NCOA2: variants seen among roughly 807,000 people sequenced by gnomAD.
The protein encoded by NCOA2 is class E basic helix-loop-helix protein 75.
Under a neutral mutation model 145.1 loss-of-function variants are expected in NCOA2, and 21 were observed. That is an observed-to-expected ratio of 0.14 (90% CI 0.10 to 0.21). The LOEUF (loss-of-function observed/expected upper bound fraction) is 0.21. Among genes scored for constraint, NCOA2 ranks in the 10% least tolerant of loss-of-function variants. The pLI, the probability that NCOA2 is intolerant of heterozygous loss-of-function variation, is 1.00. For synonymous variants in NCOA2, 619 were observed against 637.5 expected (o/e 0.97, Z 0.44); for missense variants, 1,472 against 1,837.6 (o/e 0.80, Z 3.64).
intron 1 of NCOA2, among the ~76,000 whole-genome samples, chr8:70,297,287 C>T (rs1827163715): frequency 6.6e-6 from 1 of 152,168 alleles, no homozygotes; most frequent in Non-Finnish European, 1.5e-5. Context: ...CTATATGGAA[C>T]CAAAAGGCCT....
intron 2 of NCOA2, among the ~76,000 whole-genome samples, chr8:70,253,965 A>G (rs992209511): frequency 2.0e-5 from 3 of 152,366 alleles, no homozygotes; most frequent in Admixed American, 6.5e-5. Context: ...CAACCCATGG[A>G]CAGGCAAAAA....
chr8:70,124,092 A>G lies in NCOA2; in HGVS notation c.4095-10T>C, dbSNP rs373733811. 6 of 1,610,602 alleles carry G rather than the reference A, an allele frequency of 3.7e-6. No homozygotes were observed. The African/African-American group carries it at 8.0e-5, about 22-fold the overall frequency. ...CTGCTGGGAAAACATGCTGGAATAC[A>G]ATGGAAAGATTGAATGAATGTTACA... On this transcript the variant is annotated splice_polypyrimidine_tract_variant and intron_variant, in intron 20 of 22. Transcript: ENST00000452400.
intron 1 of NCOA2, among the ~76,000 whole-genome samples, chr8:70,387,439 T>C (rs1479648946): frequency 6.6e-6 from 1 of 152,262 alleles, no homozygotes; most frequent in Non-Finnish European, 1.5e-5. Flanking sequence ...TATCTCATAT[T>C]GAATCACTTC....
chr8:70,322,601 A>G lies in NCOA2; in HGVS notation c.-76-25801T>C, dbSNP rs192520303. ...CCTAAGTTTTAGAACTCAACAAACC[A>G]TATCTCAAGTATTTACTTCTGCCTT... On this transcript the variant is annotated intron_variant, in intron 1 of 22. Transcript: ENST00000452400. 2.4e-3 allele frequency among the ~76,000 whole-genome samples: 368 copies of G among 152,308 alleles called. 2 individuals carry two copies. The highest frequency in any genetic ancestry group is 8.3e-3 in the African/African-American group (345 of 41,574).
chr8:70,314,375 G>A (rs536477572), intron 1 of NCOA2, among the ~76,000 whole-genome samples: 2 of 151,986 alleles, frequency 1.3e-5, no homozygotes, highest in East Asian at 3.9e-4. Flanking sequence ...CTGCAAGTGA[G>A]TTTAGACTCC....
intron 1 of NCOA2, among the ~76,000 whole-genome samples, chr8:70,325,009 C>A (rs985701384): frequency 1.3e-5 from 2 of 152,126 alleles, no homozygotes; most frequent in African/African-American, 4.8e-5. Flanking sequence ...TAATTTATTT[C>A]TTTCAGATGT....
chr8:70,163,393 G>C (rs2132444452), intron 8 of NCOA2, 72 bp downstream of exon 8: 1 of 1,071,334 alleles, frequency 9.3e-7, no homozygotes, highest in Non-Finnish European at 1.4e-6. Context: ...CTTCTAAATA[G>C]AGTCCTTGCA....
the NCOA2 span, among the ~76,000 whole-genome samples, chr8:70,418,161 C>T: frequency 1.3e-5 from 2 of 152,156 alleles, no homozygotes; most frequent in South Asian, 2.1e-4. Flanking sequence ...GAAAACAGCA[C>T]CATTTATTGA....
intron 1 of NCOA2, among the ~76,000 whole-genome samples, chr8:70,379,110 T>C (rs1036511101): frequency 1.5e-4 from 23 of 152,202 alleles, no homozygotes; most frequent in Non-Finnish European, 2.6e-4. Context: ...ATGTTTTAAG[T>C]AGCATTTTAC....
rs115014922 is a variant in NCOA2, at chr8:70,381,629, A to G, written c.-77+22071T>C. Among the ~76,000 whole-genome samples, 1,413 of 152,340 alleles carry G rather than the reference A, an allele frequency of 9.3e-3. 22 individuals carry two copies. Among genetic ancestry groups the G allele is most frequent in the African/African-American group, 0.032 (1,316 of 41,562 alleles). ...TATAATTACCAAATGTAAAATAATAATATTTCTTTTGTTATTCAAGCTTAT... is the reference window on the plus strand; with the variant it reads ...TATAATTACCAAATGTAAAATAATAGTATTTCTTTTGTTATTCAAGCTTAT... On this transcript the variant is annotated intron_variant, in intron 1 of 22. Transcript: ENST00000452400.
intron 1 of NCOA2, among the ~76,000 whole-genome samples, chr8:70,377,780 A>G (rs1811811753): frequency 6.6e-6 from 1 of 152,202 alleles, no homozygotes; most frequent in South Asian, 2.1e-4. Flanking sequence ...AAAATGTGAC[A>G]GTTCTTGCAC....
At chr8:70,248,607 TG>T (rs1466148574) in intron 2 of NCOA2, among the ~76,000 whole-genome samples, 2 of 152,206 alleles carry the variant, frequency 1.3e-5, no homozygotes, top group Non-Finnish European at 2.9e-5. Context: ...GCTCAAGTCC[TG>T]GATATAAAAG....
At position 70,236,236 on chromosome 8, in the gene NCOA2, G is replaced by A. The variant is rs76387999; in HGVS notation, c.-19-19472C>T. 5.4e-4 allele frequency among the ~76,000 whole-genome samples: 82 copies of A among 152,022 alleles called. No homozygotes were observed. In the East Asian group the frequency reaches 0.013, roughly 25 times the overall value. ...TTTAGGTCTTTATCACCTCTCACCTGGATTATCCAAAATAAGTCTCCTTAT... is the reference window on the plus strand; with the variant it reads ...TTTAGGTCTTTATCACCTCTCACCTAGATTATCCAAAATAAGTCTCCTTAT... On this transcript the variant is annotated intron_variant, in intron 2 of 22. Coordinates refer to ENST00000452400, the MANE Select transcript of NCOA2 (RefSeq NM_006540.4).
At chr8:70,294,260 A>C (rs796753818) in intron 2 of NCOA2, among the ~76,000 whole-genome samples, 3 of 152,264 alleles carry the variant, frequency 2.0e-5, no homozygotes, top group African/African-American at 7.2e-5. Context: ...AAAGGTTCTA[A>C]GTAATTCTAT....
intron 2 of NCOA2, among the ~76,000 whole-genome samples, chr8:70,236,424 T>C (rs1821610570): frequency 6.6e-6 from 1 of 152,142 alleles, no homozygotes; most frequent in African/African-American, 2.4e-5. Context: ...GAACTATAAA[T>C]GCACATGGTT....
At chr8:70,262,083 A>C (rs906168681) in intron 2 of NCOA2, among the ~76,000 whole-genome samples, 13 of 152,114 alleles carry the variant, frequency 8.5e-5, no homozygotes, top group African/African-American at 2.9e-4. Context: ...CAAGCACCTC[A>C]CACTCTAATA....
intron 1 of NCOA2, among the ~76,000 whole-genome samples, chr8:70,383,600 G>C (rs1812406001): frequency 2.0e-5 from 3 of 152,052 alleles, no homozygotes; most frequent in Non-Finnish European, 2.9e-5. Context: ...CTGCCTCCTG[G>C]GTTCAAGCGA....
chr8:70,425,844 G>A, the NCOA2 span, among the ~76,000 whole-genome samples: 1 of 152,088 alleles, frequency 6.6e-6, no homozygotes, highest in Non-Finnish European at 1.5e-5. Context: ...GGTGCTAGGG[G>A]CTTTGTGTGC....
chr8:70,141,306 G>C lies in NCOA2; in HGVS notation c.2906C>G (p.Thr969Ser). ...TTGGACTGGCCGGTTCATGGCACTG[G>C]TGGTAGCAGCACAGGTGACTCTCAC... ...SAVRVTCAAT[T>S]SAMNRPVQGG... Residue 969 changes from threonine (T) to serine (S), a missense_variant, in exon 14 of 23, where the codon ACC becomes AGC. Thr to Ser is a moderately conservative substitution (Grantham distance 58, BLOSUM62 1). Around this residue, in one of 4 missense-constraint regions of NCOA2, gnomAD observed 953 missense variants for 1,062.1 expected, o/e 0.90. Coordinates refer to ENST00000452400, the MANE Select transcript of NCOA2 (RefSeq NM_006540.4). 1 of 1,613,926 alleles carries C rather than the reference G, an allele frequency of 6.2e-7. No homozygotes were observed.
Sources: allele counts gnomAD v4.1 joint callset (sites outside exome capture counted in the v4.1 genomes callset), GRCh38; gene constraint gnomAD v4.1.1; regional missense constraint gnomAD v4.1.1; transcripts MANE v1.5; gene names NCBI Gene and HGNC (gene_info 2026-07-23, HGNC 2026-07-21).